DNMT3L: variants seen among roughly 807,000 people sequenced by gnomAD.
DNMT3L encodes DNA (cytosine-5)-methyltransferase 3-like.
In DNMT3L, 33 loss-of-function variants were observed where a neutral mutation model predicts 36.2. The ratio of observed to expected loss-of-function variants is 0.91; its 90% CI spans 0.69 to 1.22. The LOEUF (loss-of-function observed/expected upper bound fraction) is 1.22. Among genes scored for constraint, DNMT3L ranks in the 50% most tolerant of loss-of-function variants. DNMT3L has a pLI of 0.00. For synonymous variants in DNMT3L, 117 were observed against 121.7 expected, an observed-to-expected ratio of 0.96 and a Z score of 0.26; for missense variants, 310 against 303.1, an observed-to-expected ratio of 1.02 and a Z score of -0.17.
chr21:44,259,558 G>A lies in DNMT3L; in HGVS notation c.232-9C>T. The A allele has an allele frequency of 6.2e-7, 1 of 1,613,656 alleles. No homozygotes were observed. Among genetic ancestry groups the A allele is most frequent in the South Asian group, 1.1e-5 (1 of 91,082 alleles). The stretch of plus-strand genomic sequence containing the variant: ...GCATCCAGGAACTTGTCCTTGGAAG[G>A]AGCAAAGCAAGGCTGGCTTGTGTCA... On this transcript the variant is annotated splice_polypyrimidine_tract_variant and intron_variant, in intron 4 of 11. Coordinates refer to ENST00000628202, the MANE Select transcript of DNMT3L (RefSeq NM_175867.3).
Position 44,261,241 on chromosome 21 carries a change from G to C in DNMT3L, c.19C>G (p.Leu7Val). The change falls in exon 2 of 12, where the codon CTG (leucine) becomes GTG (valine). Residue 7 changes from leucine (L) to valine (V), a missense_variant. By Grantham distance (32) the Leu-to-Val change is conservative. Transcript: ENST00000628202. MAAIPA[L>V]DPEAEPSMDV... ...ATGCTGGGCTCGGCCTCTGGGTCCAGGGCTGGGATGGCCGCCATGGGGATG... is the reference window on the plus strand; with the variant it reads ...ATGCTGGGCTCGGCCTCTGGGTCCACGGCTGGGATGGCCGCCATGGGGATG... The C allele has an allele frequency of 6.2e-7, 1 of 1,612,574 alleles. No homozygotes were observed. The highest frequency in any genetic ancestry group is 8.5e-7 in the Non-Finnish European group (1 of 1,179,874).
chr21:44,256,231 T>A, intron 6 of DNMT3L, 77 bp from the exon 7 acceptor site: 1 of 1,459,434 alleles, frequency 6.9e-7, no homozygotes, highest in Non-Finnish European at 9.6e-7. Flanking sequence ...ATGAAAATTC[T>A]TCCCTGGATG....
chr21:44,256,140 C>A lies in DNMT3L; in HGVS notation c.531G>T (p.Glu177Asp). 2 of 1,613,598 alleles carry A rather than the reference C, an allele frequency of 1.2e-6. No homozygotes were observed. The highest frequency in any genetic ancestry group is 1.7e-6 in the Non-Finnish European group (2 of 1,179,704). The change falls in exon 7 of 12, where the codon GAG becomes GAT. Residue 177 changes from glutamate to aspartate, a missense_variant. Physicochemically the swap from Glu to Asp is conservative, Grantham distance 45. Transcript: ENST00000628202. ...FYDRESENPLEMFETVPVWRR... is the reference protein window; with the variant it reads ...FYDRESENPLDMFETVPVWRR... ...TCCACACAGGCACGGTTTCGAACATCTCAAGGGGATTCTCCTATTTATTAA... is the reference window on the plus strand; with the variant it reads ...TCCACACAGGCACGGTTTCGAACATATCAAGGGGATTCTCCTATTTATTAA...
At chr21:44,259,251 A>AC (rs1450149276) in intron 5 of DNMT3L, among the ~76,000 whole-genome samples, 186 bp downstream of exon 5, 1 of 152,172 alleles carries the variant, frequency 6.6e-6, no homozygotes, top group East Asian at 1.9e-4. Flanking sequence ...ACAATCGCCA[A>AC]CCGTAGACAC....
In DNMT3L at chr21:44,258,847, C is replaced by T. The variant is rs777691156; in HGVS notation, c.345-153G>A. On this transcript the variant is annotated intron_variant, in intron 5 of 11. Coordinates refer to ENST00000628202, the MANE Select transcript of DNMT3L (RefSeq NM_175867.3). This position sits in a 1 kb window ranked among gnomAD's most constrained non-coding sequence, Gnocchi z 6.2. Reference sequence around the variant, plus strand: ...AGGTGGTGGACTGGGAAGAGGGAGACGGTCCTTCCTAGAGACGCAGAGTGA... The same window carrying T: ...AGGTGGTGGACTGGGAAGAGGGAGATGGTCCTTCCTAGAGACGCAGAGTGA... Among the ~76,000 whole-genome samples, 6 of 152,106 alleles carry T rather than the reference C, an allele frequency of 3.9e-5. No homozygotes were observed. The highest frequency in any genetic ancestry group is 4.1e-4 in the South Asian group (2 of 4,828).
chr21:44,260,048 C>CAAAAAAA (rs765722839), intron 3 of DNMT3L, among the ~76,000 whole-genome samples: 16 of 63,436 alleles, frequency 2.5e-4, no homozygotes, highest in East Asian at 5.3e-4. Flanking sequence ...GAGTGTGTCT[C>CAAAAAAA]AAAAAAAAAA....
In DNMT3L at chr21:44,258,345, C is replaced by T. The variant is rs903129649; in HGVS notation, c.516+178G>A. 5.9e-5 allele frequency among the ~76,000 whole-genome samples: 9 copies of T among 152,246 alleles called. No homozygotes were observed. The highest frequency in any genetic ancestry group is 2.2e-4 in the African/African-American group (9 of 41,468). The stretch of plus-strand genomic sequence containing the variant: ...GCAACAAAACTGCCAAAGCAGTTTA[C>T]CCAAAGCCACCATCGAGTGGAAGCC... On this transcript the variant is annotated intron_variant, in intron 6 of 11. Coordinates refer to ENST00000628202, the MANE Select transcript of DNMT3L (RefSeq NM_175867.3). This position sits in a 1 kb window ranked among gnomAD's most constrained non-coding sequence, Gnocchi z 6.2.
chr21:44,253,443 G>A (rs543794535), intron 8 of DNMT3L, among the ~76,000 whole-genome samples: 12 of 151,998 alleles, frequency 7.9e-5, no homozygotes, highest in African/African-American at 1.9e-4. Context: ...ACAGCTGGAC[G>A]TGGTGGCTAA....
intron 8 of DNMT3L, among the ~76,000 whole-genome samples, chr21:44,254,074 G>A (rs2040239027): frequency 1.3e-5 from 2 of 152,238 alleles, no homozygotes; most frequent in South Asian, 4.1e-4. Flanking sequence ...TTCTCTCACA[G>A]TGGCATGGGA....
chr21:44,261,177 G>C lies in DNMT3L; in HGVS notation c.83C>G (p.Ser28Cys). The C allele has an allele frequency of 6.2e-7, 1 of 1,612,710 alleles. No individual in the cohort carries two copies. The highest frequency in any genetic ancestry group is 1.1e-5 in the South Asian group (1 of 91,072). The change falls in exon 2 of 12, where the codon TCC becomes TGC. Residue 28 changes from serine to cysteine, a missense_variant. By Grantham distance (112) the Ser-to-Cys change is moderately radical (BLOSUM62 -1). Transcript: ENST00000628202. ...ILVGSSELSS[S>C]VSPGTGRDLI... ...ACCTCTGCCTGTCCCGGGTGAAACG[G>C]AGCTTGAGAGCTCACTGGATCCCAC...
intron 6 of DNMT3L, among the ~76,000 whole-genome samples, chr21:44,257,641 A>G (rs1324145810): frequency 6.8e-6 from 1 of 147,400 alleles, no homozygotes; most frequent in African/African-American, 2.5e-5. Flanking sequence ...AGATCCCGCC[A>G]CTGCACTCCA....
intron 6 of DNMT3L, among the ~76,000 whole-genome samples, chr21:44,257,019 G>T (rs980072775): frequency 6.6e-6 from 1 of 152,194 alleles, no homozygotes; most frequent in Non-Finnish European, 1.5e-5. Flanking sequence ...CTTGCTCCCC[G>T]CTGGCTGCCT....
chr21:44,254,553 T>C, intron 8 of DNMT3L, 64 bp downstream of exon 8: 1 of 1,570,122 alleles, frequency 6.4e-7, no homozygotes, highest in East Asian at 2.3e-5. Context: ...CCTTGGCATT[T>C]CCTCTGAGGA....
intron 8 of DNMT3L, among the ~76,000 whole-genome samples, chr21:44,253,821 C>T (rs2040237166): frequency 6.6e-6 from 1 of 152,204 alleles, no homozygotes; most frequent in Non-Finnish European, 1.5e-5. Context: ...TTCCCTGGAC[C>T]CCCTCAAATC....
chr21:44,261,673 C>A (rs1459708520), intron 1 of DNMT3L, 67 bp downstream of exon 1: 2 of 175,622 alleles, frequency 1.1e-5, no homozygotes, highest in Non-Finnish European at 2.4e-5. Flanking sequence ...GCAGGGACCC[C>A]TGGGGATGGT....
At chr21:44,261,014 A>G in intron 2 of DNMT3L, 140 bp downstream of exon 2, 3 of 1,356,228 alleles carry the variant, frequency 2.2e-6, no homozygotes, top group Non-Finnish European at 3.1e-6. Context: ...CTGGGGGAAG[A>G]CTGTGGGTGG....
Position 44,261,157 on chromosome 21 carries a change from T to G in DNMT3L, c.103A>C (p.Arg35=), listed in dbSNP as rs1440928296. 1 of 1,612,674 alleles carries G rather than the reference T, an allele frequency of 6.2e-7. No homozygotes were observed. The highest frequency in any genetic ancestry group is 1.1e-5 in the South Asian group (1 of 91,088). The change falls in exon 2 of 12, where the codon AGA becomes CGA. Residue 35 remains arginine (R), a synonymous_variant. Transcript: ENST00000628202. The part of the protein sequence containing the change: ...LSSSVSPGTG[R]DLIAYEVKAN... ...CAATAAGCAGATGAGCCCTCACCTCTGCCTGTCCCGGGTGAAACGGAGCTT... is the reference window on the plus strand; with the variant it reads ...CAATAAGCAGATGAGCCCTCACCTCGGCCTGTCCCGGGTGAAACGGAGCTT...
intron 6 of DNMT3L, among the ~76,000 whole-genome samples, chr21:44,257,447 C>A (rs1190197127): frequency 6.6e-6 from 1 of 151,374 alleles, no homozygotes; most frequent in African/African-American, 2.4e-5. Flanking sequence ...TTTGGGAGGC[C>A]GAGGCGGGCG....
chr21:44,257,112 G>C (rs1409562983), intron 6 of DNMT3L, among the ~76,000 whole-genome samples: 1 of 152,220 alleles, frequency 6.6e-6, no homozygotes, highest in African/African-American at 2.4e-5. Context: ...GGGCCCGGTG[G>C]CTCATGCCTG....
Sources: allele counts gnomAD v4.1 joint callset (sites outside exome capture counted in the v4.1 genomes callset), GRCh38; gene constraint gnomAD v4.1.1; non-coding constraint Gnocchi (gnomAD v3.1); transcripts MANE v1.5; gene names NCBI Gene and HGNC (gene_info 2026-07-23, HGNC 2026-07-21).